The following BAALC variants were observed in gnomAD, a reference collection of about 807,000 sequenced individuals.
The protein encoded by BAALC is brain and acute leukemia cytoplasmic protein.
In BAALC, 9 loss-of-function variants were observed where a neutral mutation model predicts 15.5. That is an observed-to-expected ratio of 0.58 (90% CI 0.35 to 1.02). The LOEUF is 1.02. Ranked by LOEUF, BAALC falls within the 50% of genes least tolerant of loss-of-function variation. BAALC has a pLI of 0.02. For synonymous variants in BAALC, 80 were observed against 74.6 expected, an observed-to-expected ratio of 1.07 and a Z score of -0.37; for missense variants, 201 against 192.4, an observed-to-expected ratio of 1.04 and a Z score of -0.27.
chr8:103,222,137 T>C (rs892040420), intron 2 of BAALC, among the ~76,000 whole-genome samples: 3 of 152,156 alleles, frequency 2.0e-5, no homozygotes, highest in Non-Finnish European at 4.4e-5. Flanking sequence ...AGAAAAAGGA[T>C]TGTGGAGACC....
intron 1 of BAALC, among the ~76,000 whole-genome samples, chr8:103,166,517 G>GT (rs1351514135): frequency 2.6e-5 from 4 of 152,006 alleles, no homozygotes; most frequent in African/African-American, 7.2e-5. Context: ...AAACCGTTTT[G>GT]TTTTTTTGTT....
chr8:103,227,844 AATGTTCCTGTGATTT>A, intron 2 of BAALC, 130 bp from the exon 3 acceptor site: 1 of 617,336 alleles, frequency 1.6e-6, no homozygotes. Context: ...ACAGATCACA[AATGTTCCTGTGATTT>A]ATGTTCCTTT....
chr8:103,185,766 A>G (rs904650521), intron 1 of BAALC, among the ~76,000 whole-genome samples: 2 of 152,272 alleles, frequency 1.3e-5, no homozygotes, highest in Non-Finnish European at 2.9e-5. Context: ...AAGGATTATC[A>G]TCTAGCACTG....
At chr8:103,224,011 T>C (rs1812740178) in intron 2 of BAALC, among the ~76,000 whole-genome samples, 1 of 152,180 alleles carries the variant, frequency 6.6e-6, no homozygotes, top group African/African-American at 2.4e-5. Context: ...ATGGAATTGG[T>C]CTCATAATTA....
chr8:103,172,842 T>G (rs1349425730), intron 1 of BAALC, among the ~76,000 whole-genome samples: 2 of 152,184 alleles, frequency 1.3e-5, no homozygotes, highest in Non-Finnish European at 2.9e-5. Context: ...AAATTATGAT[T>G]TACTTAAAAA....
intron 1 of BAALC, among the ~76,000 whole-genome samples, chr8:103,162,836 G>C (rs966796158): frequency 6.6e-6 from 1 of 152,098 alleles, no homozygotes; most frequent in African/African-American, 2.4e-5. Flanking sequence ...TAAGACACGA[G>C]ACTCCAGGGT....
intron 1 of BAALC, among the ~76,000 whole-genome samples, chr8:103,145,741 T>TA (rs1247920304): frequency 1.3e-5 from 2 of 152,244 alleles, no homozygotes; most frequent in East Asian, 3.8e-4. Flanking sequence ...TTTTCTCTGC[T>TA]ATGTACCCAG....
chr8:103,170,110 T>C (rs1409062646), intron 1 of BAALC, among the ~76,000 whole-genome samples: 1 of 152,252 alleles, frequency 6.6e-6, no homozygotes, highest in Non-Finnish European at 1.5e-5. Context: ...CTCTCCTCTT[T>C]TTCCTATGAG....
At chr8:103,196,998 G>A (rs895321583) in intron 1 of BAALC, among the ~76,000 whole-genome samples, 8 of 152,228 alleles carry the variant, frequency 5.3e-5, no homozygotes, top group Admixed American at 2.0e-4. Context: ...CTGCACTTCA[G>A]TGTGACCTAC....
intron 1 of BAALC, among the ~76,000 whole-genome samples, chr8:103,176,151 C>A (rs1811601395): frequency 1.3e-5 from 2 of 152,110 alleles, no homozygotes; most frequent in South Asian, 4.2e-4. Flanking sequence ...GATCAAGGTG[C>A]TAACTTTTTA....
chr8:103,169,355 T>C (rs1811425608), intron 1 of BAALC, among the ~76,000 whole-genome samples: 1 of 152,198 alleles, frequency 6.6e-6, no homozygotes, highest in South Asian at 2.1e-4. Context: ...TTTTCTCCCC[T>C]TATAGAGTTT....
At chr8:103,173,596 T>A (rs1294271705) in intron 1 of BAALC, among the ~76,000 whole-genome samples, 1 of 152,190 alleles carries the variant, frequency 6.6e-6, no homozygotes, top group African/African-American at 2.4e-5. Context: ...ACTGTCACAT[T>A]TTCAGGCAAA....
At chr8:103,158,219 T>G (rs139438077) in intron 1 of BAALC, among the ~76,000 whole-genome samples, 1 of 152,336 alleles carries the variant, frequency 6.6e-6, no homozygotes, top group Non-Finnish European at 1.5e-5. Context: ...ATTTTGCTGA[T>G]TGCCTCCCTG....
At chr8:103,198,730 C>T (rs1275337069) in intron 1 of BAALC, among the ~76,000 whole-genome samples, 1 of 151,774 alleles carries the variant, frequency 6.6e-6, no homozygotes, top group Non-Finnish European at 1.5e-5. Flanking sequence ...ATGGTGAAAC[C>T]CTGTCTGTAT....
intron 1 of BAALC, among the ~76,000 whole-genome samples, chr8:103,150,228 C>T (rs973128462): frequency 6.6e-6 from 1 of 152,212 alleles, no homozygotes; most frequent in African/African-American, 2.4e-5. Context: ...TCAATTACCT[C>T]CCACCTGGCC....
Position 103,140,939 on chromosome 8 carries a change from C to G in BAALC, c.42C>G (p.Arg14=). The G allele has an allele frequency of 6.5e-7, 1 of 1,535,684 alleles. No homozygotes were observed. The highest frequency in any genetic ancestry group is 1.7e-4 in the Middle Eastern group (1 of 5,794). The change falls in exon 1 of 3, where the codon CGC becomes CGG. Residue 14 remains arginine, a synonymous_variant. Coordinates refer to ENST00000309982, the MANE Select transcript of BAALC (RefSeq NM_024812.3). This position sits in a 1 kb window ranked among gnomAD's most constrained non-coding sequence, Gnocchi z 4.2. ...GCCGGGCGGATGCCATCGAGCCCCGCTACTACGAGAGCTGGACCCGGGAGA... is the reference window on the plus strand; with the variant it reads ...GCCGGGCGGATGCCATCGAGCCCCGGTACTACGAGAGCTGGACCCGGGAGA... ...GGSRADAIEP[R]YYESWTRETE...
chr8:103,198,515 G>T lies in BAALC; in HGVS notation c.161-14404G>T, dbSNP rs895653728. Among the ~76,000 whole-genome samples, 6 of 152,098 alleles carry T rather than the reference G, an allele frequency of 3.9e-5. 1 individual carries two copies. In the East Asian group the frequency reaches 7.7e-4, roughly 19 times the overall value. ...CAAAGACAAACATTGTTATCAGTTT[G>T]TTGGGCATCTCTCTAGTTTGTTTTC... On this transcript the variant is annotated intron_variant, in intron 1 of 2. Coordinates refer to ENST00000309982, the MANE Select transcript of BAALC (RefSeq NM_024812.3).
intron 2 of BAALC, among the ~76,000 whole-genome samples, chr8:103,222,665 A>C (rs1167512636): frequency 1.3e-5 from 2 of 152,182 alleles, no homozygotes; most frequent in African/African-American, 4.8e-5. Context: ...GAGAAAATGC[A>C]TTGTTGTTCT....
chr8:103,142,576 G>A (rs757036961), intron 1 of BAALC, among the ~76,000 whole-genome samples: 4 of 152,046 alleles, frequency 2.6e-5, no homozygotes, highest in Non-Finnish European at 4.4e-5. Flanking sequence ...GATGTACTCC[G>A]AAGAAATAAG....
Sources: gnomAD v4.1 joint callset for allele counts (sites outside exome capture counted in the v4.1 genomes callset) on GRCh38, gnomAD v4.1.1 for gene constraint, Gnocchi (gnomAD v3.1) non-coding constraint, MANE v1.5 for transcripts, NCBI Gene and HGNC (gene_info 2026-07-23, HGNC 2026-07-21) for gene names.